Variants in PARD3B observed in about 807,000 individuals in gnomAD.
The protein encoded by PARD3B is partitioning defective 3 homolog B.
A neutral mutation model predicts 130.2 loss-of-function variants in PARD3B; 103 were observed. The observed-to-expected ratio is 0.79, with a 90% CI of 0.67 to 0.93. The LOEUF (loss-of-function observed/expected upper bound fraction) is 0.93. Among genes scored for constraint, PARD3B ranks in the 40% least tolerant of loss-of-function variants. PARD3B has a pLI of 0.00. For synonymous variants in PARD3B, 583 were observed against 553.2 expected (o/e 1.05, Z -0.76); for missense variants, 1,609 against 1,499.2 (o/e 1.07, Z -1.21).
rs558166569 is a variant in PARD3B, at chr2:204,606,224, T to C, written c.120+60105T>C. Among the ~76,000 whole-genome samples, 3 of 152,276 alleles carry C rather than the reference T, an allele frequency of 2.0e-5. No individual in the cohort carries two copies. In the South Asian group the frequency reaches 6.2e-4, roughly 32 times the overall value. ...ACATGTGGCATAGTGCAGCGCCTTA[T>C]GTATTGGTGTTTAAAATCAGTTGTG... On this transcript the variant is annotated intron_variant, in intron 1 of 22. Transcript: ENST00000406610. This position sits in a 1 kb window ranked among gnomAD's most constrained non-coding sequence, Gnocchi z 4.0.
chr2:205,304,783 A>G (rs999557412), intron 18 of PARD3B, among the ~76,000 whole-genome samples: 6 of 151,940 alleles, frequency 3.9e-5, no homozygotes, highest in African/African-American at 1.5e-4. Context: ...TAAAAAAAGG[A>G]AAAAAACACA....
intron 1 of PARD3B, among the ~76,000 whole-genome samples, chr2:204,609,961 G>A (rs906486668): frequency 1.3e-5 from 2 of 152,150 alleles, no homozygotes; most frequent in African/African-American, 4.8e-5. Flanking sequence ...ATATGTTGAA[G>A]TAAGATATTT....
chr2:205,514,775 T>C (rs2050722728), intron 21 of PARD3B, among the ~76,000 whole-genome samples: 1 of 151,920 alleles, frequency 6.6e-6, no homozygotes, highest in African/African-American at 2.4e-5. Context: ...TCCTGAAAAT[T>C]ACTTCTTTTA....
intron 18 of PARD3B, among the ~76,000 whole-genome samples, chr2:205,311,224 T>G (rs1168405094): frequency 2.0e-5 from 3 of 152,206 alleles, no homozygotes; most frequent in African/African-American, 7.2e-5. Flanking sequence ...GTAGTTCTTT[T>G]TAAATTTTTG....
At chr2:205,305,582 C>T (rs1473289084) in intron 18 of PARD3B, among the ~76,000 whole-genome samples, 1 of 152,098 alleles carries the variant, frequency 6.6e-6, no homozygotes, top group Non-Finnish European at 1.5e-5. Context: ...CATGTAATTG[C>T]AATATATTTA....
intron 16 of PARD3B, among the ~76,000 whole-genome samples, chr2:205,282,301 C>T (rs2105840922): frequency 6.6e-6 from 1 of 151,978 alleles, no homozygotes; most frequent in Admixed American, 6.6e-5. Flanking sequence ...TGGTCTCTTT[C>T]TTTTCATTCT....
intron 22 of PARD3B, among the ~76,000 whole-genome samples, chr2:205,598,871 G>A (rs2054671320): frequency 6.6e-6 from 1 of 152,116 alleles, no homozygotes; most frequent in South Asian, 2.1e-4. Context: ...TGACTTTTAG[G>A]TAAAGAATGA....
intron 2 of PARD3B, among the ~76,000 whole-genome samples, chr2:204,724,305 T>C (rs1273584735): frequency 6.6e-6 from 1 of 152,190 alleles, no homozygotes; most frequent in East Asian, 1.9e-4. Flanking sequence ...TCTTAGAAGA[T>C]ACTAGCAAAT....
chr2:204,849,236 A>G (rs1188406020), intron 2 of PARD3B, among the ~76,000 whole-genome samples: 3 of 152,198 alleles, frequency 2.0e-5, no homozygotes, highest in East Asian at 1.9e-4. Context: ...AGATAGAAAA[A>G]TGAATACTCT....
At chr2:205,311,225 TA>T (rs2105934011) in intron 18 of PARD3B, among the ~76,000 whole-genome samples, 1 of 152,322 alleles carries the variant, frequency 6.6e-6, no homozygotes, top group African/African-American at 2.4e-5. Flanking sequence ...TAGTTCTTTT[TA>T]AATTTTTGAG....
At chr2:204,841,593 G>A (rs1486249392) in intron 2 of PARD3B, among the ~76,000 whole-genome samples, 2 of 152,058 alleles carry the variant, frequency 1.3e-5, no homozygotes, top group Non-Finnish European at 2.9e-5. Context: ...GAAGATGCAG[G>A]TCTTTAACAT....
At chr2:204,662,886 TGAGACCCCCAA>T in intron 1 of PARD3B, among the ~76,000 whole-genome samples, 1 of 152,294 alleles carries the variant, frequency 6.6e-6, no homozygotes, top group South Asian at 2.1e-4. Context: ...CTTTTGGACT[TGAGACCCCCAA>T]GAGTCTGTGG....
chr2:204,592,678 A>G (rs1466182477), intron 1 of PARD3B, among the ~76,000 whole-genome samples: 1 of 152,234 alleles, frequency 6.6e-6, no homozygotes, highest in African/African-American at 2.4e-5. Context: ...AATGACTTTT[A>G]TTATATTCTC....
chr2:204,929,776 A>G (rs1282489065), intron 2 of PARD3B, among the ~76,000 whole-genome samples: 3 of 152,034 alleles, frequency 2.0e-5, no homozygotes, highest in South Asian at 2.1e-4. Context: ...TGAAAAAAAA[A>G]AAGTGTTGTT....
Position 205,550,976 on chromosome 2 carries a change from TACACACACAC to T in PARD3B, c.3181-2330_3181-2321del, listed in dbSNP as rs201422555. 0.16 allele frequency among the ~76,000 whole-genome samples: 20,543 copies of T among 125,326 alleles called. 2,395 individuals are homozygous for T. The highest frequency in any genetic ancestry group is 0.26 in the Middle Eastern group (63 of 238). 82.2% of individuals were successfully genotyped at this position (125,326 alleles called of 152,430 possible). A position where few individuals can be genotyped will look rare whatever the true frequency, so the allele number is the denominator to read the frequency against. On this transcript the variant is annotated intron_variant, in intron 21 of 22. Coordinates refer to ENST00000406610, the MANE Select transcript of PARD3B (RefSeq NM_001302769.2). This position sits in a 1 kb window ranked among gnomAD's most constrained non-coding sequence, Gnocchi z 4.5. The stretch of plus-strand genomic sequence containing the variant: ...ATGTGTATATATATATATATATATA[TACACACACAC>T]ACACACACACACACACATAATCTGT...
intron 11 of PARD3B, among the ~76,000 whole-genome samples, chr2:205,162,922 T>C (rs1290228641): frequency 6.6e-6 from 1 of 152,206 alleles, no homozygotes; most frequent in Non-Finnish European, 1.5e-5. Flanking sequence ...TTTTCTTTGC[T>C]TTGCTTTTCA....
At chr2:205,609,920 T>C (rs2055170335) in intron 22 of PARD3B, among the ~76,000 whole-genome samples, 1 of 152,200 alleles carries the variant, frequency 6.6e-6, no homozygotes. Flanking sequence ...CCTTGAGACA[T>C]GTAGAGGAAG....
intron 2 of PARD3B, among the ~76,000 whole-genome samples, chr2:204,720,338 G>A (rs2038935472): frequency 1.3e-5 from 2 of 152,132 alleles, no homozygotes; most frequent in African/African-American, 2.4e-5. Context: ...GCCATGAACT[G>A]CGTTTTTGTG....
intron 3 of PARD3B, among the ~76,000 whole-genome samples, chr2:205,037,281 TATATATATAGTGGACTATTTGTATAAA>T (rs1454459691): frequency 0.027 from 3,693 of 136,010 alleles, 260 homozygotes; most frequent in Middle Eastern, 0.041. Context: ...GTATAAAATA[TATATATATAGTGGACTATTTGTATAAA>T]ATATATATAG....
Sources: allele counts gnomAD v4.1 joint callset (sites outside exome capture counted in the v4.1 genomes callset), GRCh38; gene constraint gnomAD v4.1.1; non-coding constraint Gnocchi (gnomAD v3.1); transcripts MANE v1.5; gene names NCBI Gene and HGNC (gene_info 2026-07-23, HGNC 2026-07-21).